ARHGAP26: variants seen among roughly 807,000 people sequenced by gnomAD.
ARHGAP26 encodes rho GTPase-activating protein 26.
In ARHGAP26, 38 loss-of-function variants were observed where a neutral mutation model predicts 104.8. The observed-to-expected ratio is 0.36, with a 90% CI of 0.28 to 0.48. ARHGAP26 has a LOEUF of 0.48. Among genes scored for constraint, ARHGAP26 ranks in the 20% least tolerant of loss-of-function variants. The probability of loss-of-function intolerance (pLI) is 0.99; values close to 1 mark genes in which losing one functional copy is unlikely to be tolerated. For missense variants in ARHGAP26, 704 were observed against 947.9 expected (o/e 0.74, Z 3.38); for synonymous variants, 341 against 340.0 (o/e 1.00, Z -0.03).
At chr5:142,893,656 T>A (rs1431055142) in intron 5 of ARHGAP26, among the ~76,000 whole-genome samples, 2 of 152,220 alleles carry the variant, frequency 1.3e-5, no homozygotes, top group African/African-American at 4.8e-5. Flanking sequence ...TATTTTTAGC[T>A]TTTTGAGAAA....
Position 143,222,343 on chromosome 5 carries a change from C to T in ARHGAP26, c.2192-15C>T, listed in dbSNP as rs1811319360. ...AATGCCATCTCTTCTCGCTTTCTCT[C>T]CCCTTCCTGTACAGTTCACCCATCT... On this transcript the variant is annotated splice_polypyrimidine_tract_variant and intron_variant, in intron 22 of 22. Coordinates refer to ENST00000645722, the MANE Select transcript of ARHGAP26 (RefSeq NM_001135608.3). 3.2e-6 allele frequency: 5 copies of T among 1,544,760 alleles called. No homozygotes were observed. The highest frequency in any genetic ancestry group is 4.4e-6 in the Non-Finnish European group (5 of 1,137,228).
chr5:142,803,208 C>A (rs182454087), intron 1 of ARHGAP26, among the ~76,000 whole-genome samples: 2 of 152,096 alleles, frequency 1.3e-5, no homozygotes, highest in Admixed American at 6.5e-5. Flanking sequence ...AAATATGGGA[C>A]ACCCAGTAAA....
At chr5:142,883,460 T>G (rs1757283657) in intron 4 of ARHGAP26, among the ~76,000 whole-genome samples, 1 of 152,238 alleles carries the variant, frequency 6.6e-6, no homozygotes. Flanking sequence ...TGTTTAATTG[T>G]TCTTGTATGT....
chr5:142,842,557 GTC>G (rs1024697316), intron 1 of ARHGAP26, among the ~76,000 whole-genome samples: 2 of 152,230 alleles, frequency 1.3e-5, no homozygotes, highest in Non-Finnish European at 2.9e-5. Flanking sequence ...ATCCCTGTGT[GTC>G]GGGAAGGACT....
intron 14 of ARHGAP26, among the ~76,000 whole-genome samples, chr5:143,048,254 TTTG>T (rs1268807921): frequency 6.6e-6 from 1 of 152,080 alleles, no homozygotes; most frequent in Non-Finnish European, 1.5e-5. Flanking sequence ...TGCATTTGTT[TTTG>T]TTGTCTTATG....
At chr5:142,786,654 A>ATTTTTTTT (rs70991779) in intron 1 of ARHGAP26, among the ~76,000 whole-genome samples, 3 of 104,482 alleles carry the variant, frequency 2.9e-5, no homozygotes, top group African/African-American at 3.4e-5. Flanking sequence ...GAGTTCTAGA[A>ATTTTTTTT]TTTTTTTTTT....
intron 1 of ARHGAP26, among the ~76,000 whole-genome samples, chr5:142,775,258 C>T (rs1756076408): frequency 6.6e-6 from 1 of 152,106 alleles, no homozygotes; most frequent in East Asian, 1.9e-4. Context: ...ACATTCTGCT[C>T]AGCACTTGGT....
intron 1 of ARHGAP26, among the ~76,000 whole-genome samples, chr5:142,838,483 C>G (rs1263684602): frequency 6.6e-6 from 1 of 152,148 alleles, no homozygotes; most frequent in Non-Finnish European, 1.5e-5. Context: ...GTCAGGTAAA[C>G]CTGGGATAGA....
chr5:142,875,393 G>A (rs944596215), intron 3 of ARHGAP26, among the ~76,000 whole-genome samples: 5 of 152,170 alleles, frequency 3.3e-5, no homozygotes, highest in African/African-American at 1.2e-4. Context: ...ATGTCCTTCT[G>A]AAGATTCATT....
Position 143,058,523 on chromosome 5 carries a change from C to T in ARHGAP26, c.1538+776C>T, listed in dbSNP as rs75375661. Among the ~76,000 whole-genome samples the T allele has an allele frequency of 5.7e-3, 874 of 152,324 alleles. 8 individuals are homozygous for T. The highest frequency in any genetic ancestry group is 0.02 in the African/African-American group (833 of 41,570). ...TGTGTGTGTTCTAACCTTCCGTTGA[C>T]TTTGATGGTATGTTCTTGATTGCAG... On this transcript the variant is annotated intron_variant, in intron 17 of 22. Coordinates refer to ENST00000645722, the MANE Select transcript of ARHGAP26 (RefSeq NM_001135608.3).
At chr5:143,114,500 A>T (rs142153162) in intron 17 of ARHGAP26, among the ~76,000 whole-genome samples, 16 of 152,326 alleles carry the variant, frequency 1.1e-4, no homozygotes, top group African/African-American at 3.8e-4. Flanking sequence ...AGCCCTGGAA[A>T]CTAAACTTGT....
chr5:142,772,805 A>G (rs1417764977), intron 1 of ARHGAP26: 10 of 533,338 alleles, frequency 1.9e-5, no homozygotes, highest in East Asian at 5.4e-5. Context: ...ACCAAGCCCT[A>G]GAATTTGGAC....
intron 21 of ARHGAP26, among the ~76,000 whole-genome samples, chr5:143,207,742 T>C (rs1457411689): frequency 1.3e-5 from 2 of 152,242 alleles, no homozygotes; most frequent in Admixed American, 1.3e-4. Context: ...ATGTGCTCTC[T>C]GCACTTTGGT....
chr5:143,048,019 G>A (rs1784458187), intron 14 of ARHGAP26, among the ~76,000 whole-genome samples: 3 of 151,862 alleles, frequency 2.0e-5, no homozygotes, highest in Non-Finnish European at 4.4e-5. Flanking sequence ...GCTAACTTTT[G>A]TATCTTTTTA....
rs569345208 is a variant in ARHGAP26, at chr5:142,899,614, C to G, written c.598-2321C>G. On this transcript the variant is annotated intron_variant, in intron 6 of 22. Coordinates refer to ENST00000645722, the MANE Select transcript of ARHGAP26 (RefSeq NM_001135608.3). ...GGTAGAAGCATTTCTTTGAAGCAGA[C>G]AGCTCCCCCATCTCTGGAGTCCCGT... Among the ~76,000 whole-genome samples the G allele has an allele frequency of 1.1e-3, 166 of 152,232 alleles. 1 individual carries two copies. The highest frequency in any genetic ancestry group is 3.9e-3 in the African/African-American group (162 of 41,530).
chr5:142,933,609 G>C (rs138966150), intron 11 of ARHGAP26, among the ~76,000 whole-genome samples: 1 of 152,272 alleles, frequency 6.6e-6, no homozygotes, highest in Non-Finnish European at 1.5e-5. Flanking sequence ...TCCAGTCATT[G>C]CCATTTTCCA....
intron 17 of ARHGAP26, among the ~76,000 whole-genome samples, chr5:143,102,566 T>C (rs912489287): frequency 5.9e-5 from 9 of 152,230 alleles, no homozygotes; most frequent in African/African-American, 1.9e-4. Context: ...AATTAAAAGT[T>C]GGCGTTTGGG....
intron 17 of ARHGAP26, among the ~76,000 whole-genome samples, chr5:143,101,702 A>C (rs1316048570): frequency 6.8e-6 from 1 of 146,116 alleles, no homozygotes; most frequent in African/African-American, 2.5e-5. Context: ...ATTGCTTCCT[A>C]CCTCCCTCTC....
chr5:142,923,416 A>AT (rs1201797459), intron 10 of ARHGAP26, among the ~76,000 whole-genome samples: 2 of 152,314 alleles, frequency 1.3e-5, no homozygotes, highest in East Asian at 3.9e-4. Flanking sequence ...AATAGTAAAA[A>AT]TGAAAAAAAA....
Sources: gnomAD v4.1 joint callset for allele counts (sites outside exome capture counted in the v4.1 genomes callset) on GRCh38, gnomAD v4.1.1 for gene constraint, MANE v1.5 for transcripts, NCBI Gene and HGNC (gene_info 2026-07-23, HGNC 2026-07-21) for gene names.